Variants in TNFRSF11B observed in about 807,000 individuals in gnomAD.
TNFRSF11B encodes the protein TNF receptor superfamily member 11b.
TNFRSF11B carries 16 observed loss-of-function variants against 43.4 expected under a neutral mutation model. That is an observed-to-expected ratio of 0.37 (90% CI 0.25 to 0.56). The LOEUF (loss-of-function observed/expected upper bound fraction) is 0.56. Ranked by LOEUF, TNFRSF11B falls within the 20% of genes least tolerant of loss-of-function variation. The pLI, the probability that TNFRSF11B is intolerant of heterozygous loss-of-function variation, is 0.80. For missense variants in TNFRSF11B, 444 were observed against 490.1 expected, an observed-to-expected ratio of 0.91 and a Z score of 0.89; for synonymous variants, 185 against 181.8, an observed-to-expected ratio of 1.02 and a Z score of -0.14.
chr8:118,926,414 T>C (rs1812243911), intron 4 of TNFRSF11B, 80 bp downstream of exon 4: 1 of 1,279,358 alleles, frequency 7.8e-7, no homozygotes, highest in Admixed American at 1.7e-5. Flanking sequence ...CAACTAAACA[T>C]ACATGCAGTC....
chr8:118,926,432 T>C, intron 4 of TNFRSF11B, 62 bp downstream of exon 4: 1 of 1,414,634 alleles, frequency 7.1e-7, no homozygotes, highest in Non-Finnish European at 1.0e-6. Flanking sequence ...GTCTTGTTCC[T>C]GGTTTATGAT....
At chr8:118,934,083 T>C (rs768930691) in intron 1 of TNFRSF11B, among the ~76,000 whole-genome samples, 2 of 152,174 alleles carry the variant, frequency 1.3e-5, no homozygotes, top group East Asian at 3.9e-4. Context: ...ACGGTGCTCA[T>C]ATTGGGGACT....
At chr8:118,932,342 A>G (rs1812341765) in intron 2 of TNFRSF11B, among the ~76,000 whole-genome samples, 1 of 152,212 alleles carries the variant, frequency 6.6e-6, no homozygotes, top group African/African-American at 2.4e-5. Flanking sequence ...TGTCTAAGAT[A>G]AAGAATAAGC....
At chr8:118,949,084 T>A (rs1167504696) in intron 1 of TNFRSF11B, among the ~76,000 whole-genome samples, 3 of 152,170 alleles carry the variant, frequency 2.0e-5, no homozygotes, top group Non-Finnish European at 4.4e-5. Flanking sequence ...AGGCCTCTGC[T>A]TAACTGCATT....
chr8:118,928,877 T>A lies in TNFRSF11B; in HGVS notation c.453A>T (p.Ser151=), dbSNP rs1013105914. Residue 151 remains serine (S), a synonymous_variant, in exon 3 of 5, where the codon TCA becomes TCT. Coordinates refer to ENST00000297350, the MANE Select transcript of TNFRSF11B (RefSeq NM_002546.4). ...AGGGTGCTTTAGATGACGTCTCATT[T>A]GAGAAGAACCCATCTGGACATCTTT... The part of the protein sequence containing the change: ...VCKRCPDGFF[S]NETSSKAPCR... The A allele has an allele frequency of 6.2e-7, 1 of 1,614,080 alleles. No individual in the cohort carries two copies. The highest frequency in any genetic ancestry group is 8.5e-7 in the Non-Finnish European group (1 of 1,180,040).
chr8:118,927,344 A>C (rs1300059374), intron 3 of TNFRSF11B, among the ~76,000 whole-genome samples: 2 of 152,196 alleles, frequency 1.3e-5, no homozygotes, highest in African/African-American at 2.4e-5. Context: ...TTTTGGATTC[A>C]TCAGACCTGG....
In TNFRSF11B at chr8:118,926,831, T is replaced by A. The variant is rs1368767270; in HGVS notation, c.593-113A>T. The A allele has an allele frequency of 2.8e-6, 3 of 1,065,774 alleles. No individual in the cohort carries two copies. In the African/African-American group the frequency reaches 4.7e-5, roughly 17 times the overall value. 66.0% of individuals were successfully genotyped at this position (1,065,774 alleles called of 1,614,324 possible). On this transcript the variant is annotated intron_variant, in intron 3 of 4. Coordinates refer to ENST00000297350, the MANE Select transcript of TNFRSF11B (RefSeq NM_002546.4). Reference sequence around the variant, plus strand: ...CACAATTGAATTTTCCAAGATAAAATATGCTAAAATGCAAAGTTTGAATAA... The same window carrying A: ...CACAATTGAATTTTCCAAGATAAAAAATGCTAAAATGCAAAGTTTGAATAA...
At position 118,932,931 on chromosome 8, in the gene TNFRSF11B, C is replaced by T; in HGVS notation, c.400G>A (p.Gly134Arg). ...CPPGFGVVQAGTPERNTVCKR... is the reference protein window; with the variant it reads ...CPPGFGVVQARTPERNTVCKR... The stretch of plus-strand genomic sequence containing the variant: ...AATTTTGCTGCACATTGACACGTAC[C>T]AGCTTGCACCACTCCAAATCCAGGA... Residue 134 changes from glycine to arginine, a missense_variant and splice_region_variant, in exon 2 of 5, where the codon GGA becomes AGA. Gly to Arg is a moderately radical substitution (Grantham distance 125). Coordinates refer to ENST00000297350, the MANE Select transcript of TNFRSF11B (RefSeq NM_002546.4). 1.9e-6 allele frequency: 3 copies of T among 1,614,150 alleles called. No individual in the cohort carries two copies. The highest frequency in any genetic ancestry group is 1.7e-6 in the Non-Finnish European group (2 of 1,180,040).
chr8:118,937,353 C>G (rs987603368), intron 1 of TNFRSF11B, among the ~76,000 whole-genome samples: 1 of 152,120 alleles, frequency 6.6e-6, no homozygotes, highest in Non-Finnish European at 1.5e-5. Flanking sequence ...TTTGTGGAAC[C>G]CCTCTTTATA....
chr8:118,932,175 G>A (rs1230688292), intron 2 of TNFRSF11B, among the ~76,000 whole-genome samples: 5 of 152,302 alleles, frequency 3.3e-5, no homozygotes, highest in Admixed American at 2.6e-4. Context: ...AAAAGTTATA[G>A]GCTGCACTGA....
intron 1 of TNFRSF11B, among the ~76,000 whole-genome samples, chr8:118,950,254 A>G (rs1272136380): frequency 6.6e-6 from 1 of 152,246 alleles, no homozygotes; most frequent in Admixed American, 6.5e-5. Context: ...TAACGGCAGC[A>G]TTATTTATAC....
chr8:118,928,060 G>A (rs991931518), intron 3 of TNFRSF11B, among the ~76,000 whole-genome samples: 1 of 151,500 alleles, frequency 6.6e-6, no homozygotes, highest in Non-Finnish European at 1.5e-5. Context: ...ATCTTGCTCT[G>A]TTGCCCAGAC....
At chr8:118,925,477 T>C (rs1247097604) in intron 4 of TNFRSF11B, among the ~76,000 whole-genome samples, 1 of 152,234 alleles carries the variant, frequency 6.6e-6, no homozygotes, top group African/African-American at 2.4e-5. Flanking sequence ...TTTTCTCTTT[T>C]CTTTCGGCTT....
chr8:118,925,458 G>A (rs559595215), intron 4 of TNFRSF11B, among the ~76,000 whole-genome samples: 30 of 152,256 alleles, frequency 2.0e-4, no homozygotes, highest in African/African-American at 6.3e-4. Flanking sequence ...CAATTCTAAC[G>A]GTCTCTGATT....
intron 4 of TNFRSF11B, among the ~76,000 whole-genome samples, chr8:118,925,288 GA>G: frequency 6.6e-6 from 1 of 152,314 alleles, no homozygotes. Flanking sequence ...ACAGCCTAGA[GA>G]ATATTTCAGT....
At position 118,928,880 on chromosome 8, in the gene TNFRSF11B, G is replaced by A; in HGVS notation, c.450C>T (p.Phe150=). The change falls in exon 3 of 5, where the codon TTC becomes TTT. Residue 150 remains phenylalanine, a synonymous_variant. Transcript: ENST00000297350. ...GTGCTTTAGATGACGTCTCATTTGA[G>A]AAGAACCCATCTGGACATCTTTTGC... ...TVCKRCPDGF[F]SNETSSKAPC... is the part of the protein sequence containing the mutation. 1 of 1,614,186 alleles carries A rather than the reference G, an allele frequency of 6.2e-7. No individual in the cohort carries two copies. The highest frequency in any genetic ancestry group is 8.5e-7 in the Non-Finnish European group (1 of 1,180,042).
At chr8:118,946,773 T>A (rs924562568) in intron 1 of TNFRSF11B, among the ~76,000 whole-genome samples, 20 of 152,102 alleles carry the variant, frequency 1.3e-4, no homozygotes, top group South Asian at 4.1e-4. Context: ...ACACATTTTT[T>A]AAAAAAATCT....
intron 1 of TNFRSF11B, among the ~76,000 whole-genome samples, chr8:118,942,040 G>A (rs1485289): frequency 0.6 from 90,787 of 151,990 alleles, 29,508 homozygotes; most frequent in African/African-American, 0.86. Context: ...AGAACTGGAA[G>A]GATGTTTTTG....
intron 1 of TNFRSF11B, among the ~76,000 whole-genome samples, chr8:118,939,558 A>AAGCAAT (rs777648432): frequency 3.7e-4 from 57 of 152,156 alleles, no homozygotes; most frequent in Non-Finnish European, 7.4e-4. Context: ...TGGTGCTAGG[A>AAGCAAT]AGCAATCGAA....
Sources: allele counts gnomAD v4.1 joint callset (sites outside exome capture counted in the v4.1 genomes callset), GRCh38; gene constraint gnomAD v4.1.1; transcripts MANE v1.5; gene names NCBI Gene and HGNC (gene_info 2026-07-23, HGNC 2026-07-21).